DNAJC1: variants seen among roughly 807,000 people sequenced by gnomAD.
DNAJC1 encodes dnaJ homolog subfamily C member 1.
In DNAJC1, 58 loss-of-function variants were observed where a neutral mutation model predicts 76.6. The ratio of observed to expected loss-of-function variants is 0.76; its 90% CI spans 0.61 to 0.94. The LOEUF is 0.94. Among genes scored for constraint, DNAJC1 ranks in the 40% least tolerant of loss-of-function variants. The pLI is 0.00. For missense variants in DNAJC1, 689 were observed against 677.3 expected (o/e 1.02, Z -0.19); for synonymous variants, 258 against 267.9 (o/e 0.96, Z 0.36).
intron 7 of DNAJC1, among the ~76,000 whole-genome samples, chr10:21,891,476 C>CAAAAAAAAAAAAAAAAAAAGAAAA (rs1554894555): frequency 2.6e-4 from 10 of 38,850 alleles, no homozygotes; most frequent in African/African-American, 4.7e-4. Flanking sequence ...ACAAAGTAGA[C>CAAAAAAAAAAAAAAAAAAAGAAAA]AAAAAAAAAA....
At chr10:21,842,192 A>G (rs1835585221) in intron 8 of DNAJC1, among the ~76,000 whole-genome samples, 1 of 151,978 alleles carries the variant, frequency 6.6e-6, no homozygotes, top group Admixed American at 6.5e-5. Flanking sequence ...GCACATGTAT[A>G]CATATGTAAC....
In DNAJC1 at chr10:21,766,246, G is replaced by A. The variant is rs1564781177; in HGVS notation, c.1147+15C>T. 1.3e-6 allele frequency: 2 copies of A among 1,590,244 alleles called. No individual in the cohort carries two copies. Among genetic ancestry groups the A allele is most frequent in the South Asian group, 2.2e-5 (2 of 90,414 alleles). On this transcript the variant is annotated intron_variant, in intron 10 of 11. Transcript: ENST00000376980. ...ACCACTTTAGATTAATGAGATAGAG[G>A]AAGTATGAACTCACCTGGGGAGCAG...
intron 8 of DNAJC1, among the ~76,000 whole-genome samples, chr10:21,841,249 C>G (rs1026617419): frequency 6.6e-6 from 1 of 152,142 alleles, no homozygotes; most frequent in African/African-American, 2.4e-5. Flanking sequence ...GCAAAATTGA[C>G]AAATGGATCT....
At chr10:21,917,408 A>G (rs1222751143) in intron 6 of DNAJC1, among the ~76,000 whole-genome samples, 1 of 152,096 alleles carries the variant, frequency 6.6e-6, no homozygotes, top group African/African-American at 2.4e-5. Context: ...TTTAATATTG[A>G]TATCTTATGT....
chr10:21,855,304 C>T (rs751046213), intron 8 of DNAJC1, among the ~76,000 whole-genome samples: 1 of 152,020 alleles, frequency 6.6e-6, no homozygotes, highest in Non-Finnish European at 1.5e-5. Context: ...TATAATAATT[C>T]ATTCATTAGG....
In DNAJC1 at chr10:21,809,863, A is replaced by G. The variant is rs77038195; in HGVS notation, c.979-3764T>C. On this transcript the variant is annotated intron_variant, in intron 8 of 11. Transcript: ENST00000376980. ...CTCAAATGTCTTTTTACTCTTAGGAAGAGAAATTCTTTTTTGAGGCCTATC... is the reference window on the plus strand; with the variant it reads ...CTCAAATGTCTTTTTACTCTTAGGAGGAGAAATTCTTTTTTGAGGCCTATC... Among the ~76,000 whole-genome samples, 1,415 of 152,218 alleles carry G rather than the reference A, an allele frequency of 9.3e-3. 34 individuals are homozygous for G. The highest frequency in any genetic ancestry group is 0.033 in the African/African-American group (1,356 of 41,500).
intron 1 of DNAJC1, among the ~76,000 whole-genome samples, chr10:21,969,009 A>G (rs1274592040): frequency 6.6e-6 from 1 of 151,944 alleles, no homozygotes; most frequent in Non-Finnish European, 1.5e-5. Flanking sequence ...GGATCACTTG[A>G]GGTCAGGAAT....
At chr10:21,863,468 C>T (rs2131700902) in intron 8 of DNAJC1, among the ~76,000 whole-genome samples, 1 of 152,128 alleles carries the variant, frequency 6.6e-6, no homozygotes, top group African/African-American at 2.4e-5. Flanking sequence ...AAATTCTACA[C>T]AGAGGAGGGA....
At chr10:21,864,023 C>G (rs1395224053) in intron 8 of DNAJC1, among the ~76,000 whole-genome samples, 4 of 151,618 alleles carry the variant, frequency 2.6e-5, no homozygotes, top group African/African-American at 9.7e-5. Flanking sequence ...AGGAACATGG[C>G]AAAACCCTGT....
intron 8 of DNAJC1, among the ~76,000 whole-genome samples, chr10:21,881,825 G>T: frequency 7.3e-6 from 1 of 136,438 alleles, no homozygotes; most frequent in East Asian, 2.2e-4. Context: ...ATTCAGGGCT[G>T]CCACAAACCC....
intron 8 of DNAJC1, among the ~76,000 whole-genome samples, chr10:21,857,088 T>C (rs1835846929): frequency 6.6e-6 from 1 of 152,188 alleles, no homozygotes; most frequent in Non-Finnish European, 1.5e-5. Context: ...AATTCTGGAA[T>C]ACTCCATAAT....
intron 1 of DNAJC1, among the ~76,000 whole-genome samples, chr10:21,986,206 A>C (rs1216878802): frequency 2.0e-5 from 3 of 152,042 alleles, no homozygotes; most frequent in Non-Finnish European, 4.4e-5. Context: ...ACAAAGCGAG[A>C]CTCCATCTCA....
At chr10:21,896,324 C>T (rs1252682644) in intron 7 of DNAJC1, among the ~76,000 whole-genome samples, 2 of 152,166 alleles carry the variant, frequency 1.3e-5, no homozygotes, top group African/African-American at 4.8e-5. Context: ...GGGGACCCAA[C>T]CTCTACTCTC....
At chr10:21,998,233 A>G (rs1050658811) in intron 1 of DNAJC1, among the ~76,000 whole-genome samples, 4 of 151,998 alleles carry the variant, frequency 2.6e-5, no homozygotes, top group Non-Finnish European at 5.9e-5. Context: ...TCTACTAAAA[A>G]TACAAAATTA....
intron 7 of DNAJC1, among the ~76,000 whole-genome samples, chr10:21,896,670 C>A (rs1294837534): frequency 6.6e-6 from 1 of 151,818 alleles, no homozygotes; most frequent in Non-Finnish European, 1.5e-5. Context: ...GAATGAGTTA[C>A]GGCTTTGGGG....
chr10:21,996,978 T>C (rs1037149578), intron 1 of DNAJC1, among the ~76,000 whole-genome samples: 2 of 152,226 alleles, frequency 1.3e-5, no homozygotes, highest in Admixed American at 1.3e-4. Flanking sequence ...TTCTAGATTC[T>C]GTGTATCTCT....
chr10:21,829,632 G>GT (rs1322986111), intron 8 of DNAJC1, among the ~76,000 whole-genome samples: 1 of 152,206 alleles, frequency 6.6e-6, no homozygotes, highest in Non-Finnish European at 1.5e-5. Context: ...GATTACAGGC[G>GT]TGAGCCACTG....
intron 8 of DNAJC1, among the ~76,000 whole-genome samples, chr10:21,837,794 G>A (rs575685511): frequency 0.023 from 3,210 of 140,352 alleles, 53 homozygotes; most frequent in Middle Eastern, 0.072. Flanking sequence ...GGCAGCCCCC[G>A]CCCGGCCAGC....
At chr10:21,965,229 C>G (rs749239043) in intron 1 of DNAJC1, among the ~76,000 whole-genome samples, 1 of 152,082 alleles carries the variant, frequency 6.6e-6, no homozygotes, top group Non-Finnish European at 1.5e-5. Context: ...AGTTCACTAA[C>G]TCTCTTTTCA....
Sources: gnomAD v4.1 joint callset for allele counts (sites outside exome capture counted in the v4.1 genomes callset) on GRCh38, gnomAD v4.1.1 for gene constraint, MANE v1.5 for transcripts, NCBI Gene and HGNC (gene_info 2026-07-23, HGNC 2026-07-21) for gene names.